KCNU1: variants seen among roughly 807,000 people sequenced by gnomAD.
The protein encoded by KCNU1 is potassium calcium-activated channel subfamily U member 1.
In KCNU1, 93 loss-of-function variants were observed where a neutral mutation model predicts 126.8. The observed-to-expected ratio is 0.73, with a 90% CI of 0.62 to 0.87. The LOEUF is 0.87. Ranked by LOEUF, KCNU1 falls within the 40% of genes least tolerant of loss-of-function variation. The pLI, the probability that KCNU1 is intolerant of heterozygous loss-of-function variation, is 0.00. For synonymous variants in KCNU1, 523 were observed against 494.2 expected (o/e 1.06, Z -0.77); for missense variants, 1,330 against 1,367.1 (o/e 0.97, Z 0.43).
chr8:36,816,757 C>T (rs1039942261), intron 9 of KCNU1, among the ~76,000 whole-genome samples: 4 of 152,102 alleles, frequency 2.6e-5, no homozygotes, highest in Non-Finnish European at 4.4e-5. Flanking sequence ...ATGACAAAAA[C>T]TATATGCATA....
intron 16 of KCNU1, 31 bp downstream of exon 16, chr8:36,841,034 GTTTTTT>G (rs756308750): frequency 1.7e-4 from 97 of 564,230 alleles, no homozygotes; most frequent in East Asian, 2.2e-4. Flanking sequence ...CTCTTCAGTT[GTTTTTT>G]TTTTTTTTTT....
intron 10 of KCNU1, among the ~76,000 whole-genome samples, chr8:36,827,182 G>GGCACTTCTGCCTCAGGGTTGT (rs1804356520): frequency 6.6e-6 from 1 of 152,122 alleles, no homozygotes. Flanking sequence ...AACACAACAG[G>GGCACTTCTGCCTCAGGGTTGT]GCACTTCTGC....
chr8:36,837,396 T>A (rs1156396832), intron 14 of KCNU1, among the ~76,000 whole-genome samples: 2 of 152,182 alleles, frequency 1.3e-5, no homozygotes, highest in African/African-American at 4.8e-5. Context: ...GTAATTAAAA[T>A]CTAATTTTTC....
chr8:36,875,601 C>T (rs1056510242), intron 19 of KCNU1, among the ~76,000 whole-genome samples: 1 of 151,734 alleles, frequency 6.6e-6, no homozygotes, highest in African/African-American at 2.4e-5. Flanking sequence ...ATGCAAATGA[C>T]CTTCCAAAAT....
intron 19 of KCNU1, among the ~76,000 whole-genome samples, chr8:36,891,478 G>A (rs1439322305): frequency 1.3e-5 from 2 of 151,998 alleles, no homozygotes; most frequent in Non-Finnish European, 2.9e-5. Context: ...AAGAATGGAT[G>A]GATGGATGGA....
At chr8:36,879,517 GC>G (rs1806399085) in intron 19 of KCNU1, among the ~76,000 whole-genome samples, 1 of 151,964 alleles carries the variant, frequency 6.6e-6, no homozygotes, top group Non-Finnish European at 1.5e-5. Flanking sequence ...TATGCGTTGT[GC>G]TTTCATGAAT....
intron 1 of KCNU1, among the ~76,000 whole-genome samples, chr8:36,786,814 T>A (rs1802726432): frequency 2.0e-5 from 3 of 152,194 alleles, no homozygotes; most frequent in Admixed American, 2.0e-4. Flanking sequence ...GGATTATAAT[T>A]TCAGAATATA....
intron 2 of KCNU1, among the ~76,000 whole-genome samples, chr8:36,791,107 A>G (rs1161241145): frequency 6.6e-6 from 1 of 152,116 alleles, no homozygotes; most frequent in Admixed American, 6.5e-5. Context: ...CATGTCCTCT[A>G]GAGGTCTTCC....
chr8:36,839,601 T>C (rs1450374695), intron 14 of KCNU1, among the ~76,000 whole-genome samples: 1 of 152,152 alleles, frequency 6.6e-6, no homozygotes, highest in East Asian at 1.9e-4. Context: ...GTCTATGTGT[T>C]TGTTTTTGTT....
In KCNU1 at chr8:36,932,904, T is replaced by A; in HGVS notation, c.2932-16T>A. 1 of 1,457,342 alleles carries A rather than the reference T, an allele frequency of 6.9e-7. No homozygotes were observed. The highest frequency in any genetic ancestry group is 9.4e-7 in the Non-Finnish European group (1 of 1,059,498). The allele number at this position is 1,457,342 out of a possible 1,614,324, so 90.3% of individuals were successfully genotyped here. On this transcript the variant is annotated splice_polypyrimidine_tract_variant and intron_variant, in intron 25 of 26. Coordinates refer to ENST00000399881, the MANE Select transcript of KCNU1 (RefSeq NM_001031836.3). ...AAAGTGCCCAGCAGACATATTTTTG[T>A]CTCTTCTCTCCCCAGCCAAGAAACA... is the stretch of plus-strand genomic sequence containing the variant.
chr8:36,896,455 A>G (rs1345770968), intron 19 of KCNU1, among the ~76,000 whole-genome samples: 2 of 152,104 alleles, frequency 1.3e-5, no homozygotes, highest in Non-Finnish European at 2.9e-5. Context: ...AGGTTGTTGG[A>G]AAATTCAGAA....
At chr8:36,903,096 C>T (rs1643928984) in intron 19 of KCNU1, among the ~76,000 whole-genome samples, 1 of 152,104 alleles carries the variant, frequency 6.6e-6, no homozygotes, top group Admixed American at 6.6e-5. Flanking sequence ...ACTTTCCAAA[C>T]CTGTTTCTAG....
intron 19 of KCNU1, among the ~76,000 whole-genome samples, chr8:36,900,155 G>A (rs574762691): frequency 1.6e-4 from 20 of 127,768 alleles, no homozygotes; most frequent in African/African-American, 5.0e-4. Flanking sequence ...TAAGCTGGAT[G>A]CAAGACACAG....
intron 24 of KCNU1, among the ~76,000 whole-genome samples, chr8:36,924,615 A>G (rs1808474931): frequency 4.6e-5 from 7 of 152,192 alleles, no homozygotes. Flanking sequence ...CTAGGGAGGT[A>G]CTAGAGGAAG....
At chr8:36,789,546 T>C (rs992478004) in intron 2 of KCNU1, among the ~76,000 whole-genome samples, 30 of 152,302 alleles carry the variant, frequency 2.0e-4, no homozygotes, top group African/African-American at 7.2e-4. Context: ...AGGCCAACAC[T>C]CTAGGTATAG....
intron 24 of KCNU1, chr8:36,928,946 T>A (rs1398520237): frequency 1.4e-6 from 1 of 690,978 alleles, no homozygotes; most frequent in Non-Finnish European, 2.6e-6. Flanking sequence ...TTAATATCAC[T>A]TCAGATGATC....
chr8:36,916,468 TAGAAG>T (rs1253985682), intron 22 of KCNU1, among the ~76,000 whole-genome samples: 1 of 144,530 alleles, frequency 6.9e-6, no homozygotes, highest in Non-Finnish European at 1.5e-5. Flanking sequence ...GGGAAGGGAA[TAGAAG>T]AGAAGGGAGA....
At chr8:36,824,535 C>G (rs909887924) in intron 10 of KCNU1, among the ~76,000 whole-genome samples, 3 of 152,136 alleles carry the variant, frequency 2.0e-5, no homozygotes, top group African/African-American at 7.2e-5. Flanking sequence ...CAGGCATCCC[C>G]TGGGGGTCTT....
intron 2 of KCNU1, among the ~76,000 whole-genome samples, chr8:36,799,698 C>T (rs942403417): frequency 1.5e-5 from 2 of 135,546 alleles, no homozygotes; most frequent in African/African-American, 3.1e-5. Flanking sequence ...CCACACTTGG[C>T]TATTTTTTTT....
Sources: allele counts gnomAD v4.1 joint callset (sites outside exome capture counted in the v4.1 genomes callset), GRCh38; gene constraint gnomAD v4.1.1; transcripts MANE v1.5; gene names NCBI Gene and HGNC (gene_info 2026-07-23, HGNC 2026-07-21).